Variants in HSD17B4 observed in about 807,000 individuals in gnomAD.
The protein encoded by HSD17B4 is peroxisomal multifunctional enzyme type 2.
HSD17B4 carries 70 observed loss-of-function variants against 101.0 expected under a neutral mutation model. The observed-to-expected ratio is 0.69, with a 90% CI of 0.57 to 0.85. The LOEUF (loss-of-function observed/expected upper bound fraction) is 0.85, where lower values mean the gene tolerates loss of function less well. Ranked by LOEUF, HSD17B4 falls within the 40% of genes least tolerant of loss-of-function variation. HSD17B4 has a pLI of 0.00. For missense variants in HSD17B4, 984 were observed against 892.4 expected (o/e 1.10, Z -1.31); for synonymous variants, 347 against 297.1 (o/e 1.17, Z -1.73).
chr5:119,469,776 G>C (rs1027838026), intron 2 of HSD17B4, among the ~76,000 whole-genome samples: 1 of 152,010 alleles, frequency 6.6e-6, no homozygotes, highest in African/African-American at 2.4e-5. Flanking sequence ...GTATCAGTTA[G>C]GTTAGGTGTT....
chr5:119,501,774 A>G (rs994496412), intron 13 of HSD17B4, among the ~76,000 whole-genome samples: 2 of 152,168 alleles, frequency 1.3e-5, no homozygotes. Flanking sequence ...GGCAAATAAT[A>G]TGTAATTAAC....
intron 14 of HSD17B4, among the ~76,000 whole-genome samples, chr5:119,505,177 A>G (rs1419541480): frequency 7.4e-6 from 1 of 134,924 alleles, no homozygotes; most frequent in African/African-American, 2.8e-5. Context: ...AGTTAATATG[A>G]TACTTCCAGC....
At chr5:119,458,220 C>A (rs148510434) in intron 2 of HSD17B4, among the ~76,000 whole-genome samples, 176 of 152,260 alleles carry the variant, frequency 1.2e-3, no homozygotes, top group African/African-American at 3.8e-3. Context: ...AGAATTCAAT[C>A]CATGTGGAAG....
Position 119,454,608 on chromosome 5 carries a change from CTG to C in HSD17B4, c.59-1705_59-1704del, listed in dbSNP as rs1463169588. 4.6e-5 allele frequency among the ~76,000 whole-genome samples: 7 copies of C among 151,678 alleles called. No homozygotes were observed. In the East Asian group the frequency reaches 1.4e-3, roughly 29 times the overall value. ...GGTGAAATTTCCTAGTTTTGGAAAA[CTG>C]TATATTTTTGGTTCTTTTTGTTTTT... On this transcript the variant is annotated intron_variant, in intron 1 of 23. Coordinates refer to ENST00000510025, the MANE Select transcript of HSD17B4 (RefSeq NM_000414.4).
intron 16 of HSD17B4, among the ~76,000 whole-genome samples, chr5:119,511,321 C>T (rs370538573): frequency 5.3e-5 from 8 of 152,062 alleles, no homozygotes; most frequent in Non-Finnish European, 2.9e-5. Context: ...CTGGTAGTTC[C>T]GTAACAGCAG....
rs202211891 is a variant in HSD17B4, at chr5:119,530,862, A to C, written c.1855-404A>C. ...GTCTGTCTCAAAAAAAAAAAAAAAA[A>C]ACAAAAAACAAAAAAAACCCAAAAC... On this transcript the variant is annotated intron_variant, in intron 21 of 23. Coordinates refer to ENST00000510025, the MANE Select transcript of HSD17B4 (RefSeq NM_000414.4). Among the ~76,000 whole-genome samples, 154 of 118,476 alleles carry C rather than the reference A, an allele frequency of 1.3e-3. 2 individuals are homozygous for C. Among genetic ancestry groups the C allele is most frequent in the East Asian group, 8.3e-3 (32 of 3,858 alleles). The allele number at this position is 118,476 out of a possible 152,430, so 77.7% of individuals were successfully genotyped here.
intron 8 of HSD17B4, among the ~76,000 whole-genome samples, chr5:119,479,579 G>C (rs1305191368): frequency 6.6e-6 from 1 of 152,142 alleles, no homozygotes; most frequent in Non-Finnish European, 1.5e-5. Context: ...CTGTTATAAT[G>C]TCATGCAGAA....
rs1476736139 is a variant in HSD17B4 at position 119,492,422 on chromosome 5, C to T, written c.739+298C>T. ...GACAGCATATATTGATAATCATCCT[C>T]CCATGTCTTTGACTTCCCACATGCT... is the stretch of plus-strand genomic sequence containing the variant. On this transcript the variant is annotated intron_variant, in intron 10 of 23. Transcript: ENST00000510025. 2.3e-5 allele frequency: 8 copies of T among 345,834 alleles called. No individual in the cohort carries two copies. In the South Asian group the frequency reaches 2.9e-4, roughly 12 times the overall value. 21.4% of individuals were successfully genotyped at this position (345,834 alleles called of 1,614,324 possible).
rs770244087 is a variant in HSD17B4 at position 119,542,043 on chromosome 5, C to T, written c.*49C>T. ...AAATGGAATCATTAAATACTCTCTT[C>T]ACCCAAATATGCTTGATTATTCTGC... On this transcript the variant is annotated 3_prime_UTR_variant, in exon 24 of 24. Coordinates refer to ENST00000510025, the MANE Select transcript of HSD17B4 (RefSeq NM_000414.4). 8.2e-7 allele frequency: 1 copy of T among 1,215,462 alleles called. No homozygotes were observed. The highest frequency in any genetic ancestry group is 1.5e-5 in the African/African-American group (1 of 66,724). 75.3% of individuals were successfully genotyped at this position (1,215,462 alleles called of 1,614,324 possible). A position where few individuals can be genotyped will look rare whatever the true frequency, so the allele number is the denominator to read the frequency against.
Position 119,499,475 on chromosome 5 carries a change from C to T in HSD17B4, c.1131C>T (p.Phe377=), listed in dbSNP as rs200347945. 117 of 1,613,692 alleles carry T rather than the reference C, an allele frequency of 7.3e-5. No individual in the cohort carries two copies. Among genetic ancestry groups the T allele is most frequent in the South Asian group, 7.0e-4 (64 of 91,078 alleles). Residue 377 remains phenylalanine, a synonymous_variant, in exon 13 of 24, where the codon TTC becomes TTT. Transcript: ENST00000510025. ...CTGATTTCTCCTGTTTGCCCACCTT[C>T]GGAGTTATCATAGGTCAGAAATCTA... The part of the protein sequence containing the change: ...GSSDFSCLPT[F]GVIIGQKSMM...
At chr5:119,531,751 C>A (rs1267131786) in intron 22 of HSD17B4, among the ~76,000 whole-genome samples, 1 of 151,982 alleles carries the variant, frequency 6.6e-6, no homozygotes, top group Non-Finnish European at 1.5e-5. Context: ...GCAAATTCAT[C>A]AAGTCAAAAT....
chr5:119,495,892 A>C (rs141155223), intron 11 of HSD17B4: 2 of 153,494 alleles, frequency 1.3e-5, no homozygotes, highest in Non-Finnish European at 2.9e-5. Context: ...GTCTGAGTTC[A>C]GAAGGAAGCC....
intron 8 of HSD17B4, among the ~76,000 whole-genome samples, chr5:119,483,693 G>C (rs2678093): frequency 0.021 from 3,157 of 152,130 alleles, 94 homozygotes; most frequent in African/African-American, 0.071. Context: ...TGTACCCATC[G>C]TTCAGCTTCA....
At chr5:119,518,159 C>T (rs1561479933) in intron 17 of HSD17B4, among the ~76,000 whole-genome samples, 1 of 152,144 alleles carries the variant, frequency 6.6e-6, no homozygotes, top group Admixed American at 6.5e-5. Context: ...ATAAATCTTG[C>T]TACTGCTCAC....
intron 16 of HSD17B4, among the ~76,000 whole-genome samples, chr5:119,510,449 A>T (rs557079755): frequency 6.6e-6 from 1 of 152,306 alleles, no homozygotes; most frequent in South Asian, 2.1e-4. Context: ...CCTTTAAGTT[A>T]CTTGTGGTAA....
intron 8 of HSD17B4, among the ~76,000 whole-genome samples, chr5:119,480,974 C>G (rs1387106899): frequency 6.6e-6 from 1 of 152,154 alleles, no homozygotes; most frequent in East Asian, 1.9e-4. Context: ...CTCTCTTATT[C>G]CCCGAACAAT....
intron 2 of HSD17B4, among the ~76,000 whole-genome samples, chr5:119,457,105 C>T (rs868114341): frequency 5.1e-4 from 77 of 152,284 alleles, no homozygotes; most frequent in African/African-American, 1.4e-3. Context: ...TAGTAATCTG[C>T]ATGGTTTGGA....
At chr5:119,483,262 G>A (rs1251942654) in intron 8 of HSD17B4, among the ~76,000 whole-genome samples, 1 of 152,080 alleles carries the variant, frequency 6.6e-6, no homozygotes, top group African/African-American at 2.4e-5. Flanking sequence ...TAACTGCTTG[G>A]GCTCTGGGGG....
intron 16 of HSD17B4, among the ~76,000 whole-genome samples, chr5:119,513,389 C>T (rs534339611): frequency 6.6e-6 from 1 of 151,926 alleles, no homozygotes; most frequent in Admixed American, 6.6e-5. Flanking sequence ...TTTCTTTGTT[C>T]TTTTTTCTTT....
Sources: gnomAD v4.1 joint callset for allele counts (sites outside exome capture counted in the v4.1 genomes callset) on GRCh38, gnomAD v4.1.1 for gene constraint, MANE v1.5 for transcripts, NCBI Gene and HGNC (gene_info 2026-07-23, HGNC 2026-07-21) for gene names.